Variants in NAPA observed in about 807,000 individuals in gnomAD.
NAPA encodes the protein alpha-soluble NSF attachment protein.
NAPA carries 18 observed loss-of-function variants against 48.0 expected under a neutral mutation model. The observed-to-expected ratio is 0.38, with a 90% confidence interval of 0.26 to 0.56. The LOEUF is 0.56. Among genes scored for constraint, NAPA ranks in the 20% least tolerant of loss-of-function variants. The probability of loss-of-function intolerance (pLI) is 0.77; values close to 1 mark genes in which losing one functional copy is unlikely to be tolerated. For synonymous variants in NAPA, 152 were observed against 149.9 expected, an observed-to-expected ratio of 1.01 and a Z score of -0.10; for missense variants, 315 against 385.0, an observed-to-expected ratio of 0.82 and a Z score of 1.52.
chr19:47,498,434 C>G (rs1325547564), intron 3 of NAPA, among the ~76,000 whole-genome samples: 1 of 152,208 alleles, frequency 6.6e-6, no homozygotes, highest in Non-Finnish European at 1.5e-5. Flanking sequence ...CTGGGCATGA[C>G]TGCATCATCT....
intron 3 of NAPA, 136 bp from the exon 4 acceptor site, chr19:47,495,732 C>A: frequency 1.3e-6 from 1 of 766,042 alleles, no homozygotes; most frequent in Non-Finnish European, 2.3e-6. Flanking sequence ...CCAGCGCTGC[C>A]ACACACTCTC....
chr19:47,493,003 C>T lies in NAPA; in HGVS notation c.519G>A (p.Ala173=), dbSNP rs771294197. Residue 173 remains alanine, a synonymous_variant, in exon 7 of 11, where the codon GCG becomes GCA. Coordinates refer to ENST00000263354, the MANE Select transcript of NAPA (RefSeq NM_003827.4). This position sits in a 1 kb window ranked among gnomAD's most constrained non-coding sequence, Gnocchi z 6.4. Reference sequence around the variant, plus strand: ...TGGCCTTCTGATACTGCTCCAGCAGCGCAGCGTAACCAGCCACCTTCAGCA... The same window carrying T: ...TGGCCTTCTGATACTGCTCCAGCAGTGCAGCGTAACCAGCCACCTTCAGCA... ...KCLLKVAGYA[A]LLEQYQKAID... The T allele has an allele frequency of 1.1e-5, 17 of 1,614,050 alleles. No homozygotes were observed. The highest frequency in any genetic ancestry group is 1.0e-4 in the Admixed American group (6 of 60,002).
At chr19:47,505,492 G>C (rs968873582) in intron 1 of NAPA, 1 of 152,352 alleles carries the variant, frequency 6.6e-6, no homozygotes, top group South Asian at 2.1e-4. Flanking sequence ...CATCAAACCA[G>C]AGTCCCACAG....
At chr19:47,507,289 C>A (rs1968711654) in intron 1 of NAPA, among the ~76,000 whole-genome samples, 1 of 152,232 alleles carries the variant, frequency 6.6e-6, no homozygotes. Flanking sequence ...ACACAGCCAC[C>A]AACCTCAGGG....
rs1968626329 is a variant in NAPA at position 47,503,451 on chromosome 19, G to A, written c.150C>T (p.Asn50=). The change falls in exon 2 of 11, where the codon AAC becomes AAT. Residue 50 remains asparagine, a synonymous_variant. Transcript: ENST00000263354. ...EACEIYARAA[N]MFKMAKNWSA... is the part of the protein sequence containing the mutation. ...TCCAGTTTTTGGCCATTTTGAACAT[G>A]TTTGCTGCTCTGGCGTAGATTTCGC... 6 of 1,614,230 alleles carry A rather than the reference G, an allele frequency of 3.7e-6. No individual in the cohort carries two copies. The South Asian group carries it at 4.4e-5, about 12-fold the overall frequency.
intron 7 of NAPA, chr19:47,492,497 C>T: frequency 2.6e-6 from 1 of 389,322 alleles, no homozygotes; most frequent in East Asian, 6.0e-5. Flanking sequence ...CCCCTCTCTC[C>T]CAGGGGGCCA....
At position 47,508,602 on chromosome 19, in the gene NAPA, G is replaced by A. The variant is rs1339575007; in HGVS notation, c.99-5100C>T. On this transcript the variant is annotated intron_variant, in intron 1 of 10. Coordinates refer to ENST00000263354, the MANE Select transcript of NAPA (RefSeq NM_003827.4). ...AAAGAGAATGACTTTGGGGTGGCGA[G>A]ACCTGGGCTGAAGTCCGTTTCAGGT... 2.6e-5 allele frequency among the ~76,000 whole-genome samples: 4 copies of A among 152,270 alleles called. No individual in the cohort carries two copies. In the East Asian group the frequency reaches 5.8e-4, roughly 22 times the overall value.
In NAPA at chr19:47,493,521, T is replaced by C; in HGVS notation, c.343-28A>G. ...GGAGGGGACACAGGAAGGGGCTGCC[T>C]GCGACTCATGACCTCCTGCGTGCCT... On this transcript the variant is annotated intron_variant, in intron 4 of 10. Coordinates refer to ENST00000263354, the MANE Select transcript of NAPA (RefSeq NM_003827.4). The surrounding 1 kb of genome is among the most constrained non-coding windows in gnomAD (Gnocchi z 6.4). The C allele has an allele frequency of 1.2e-6, 2 of 1,605,172 alleles. No individual in the cohort carries two copies. Among genetic ancestry groups the C allele is most frequent in the Non-Finnish European group, 1.7e-6 (2 of 1,172,774 alleles).
downstream of NAPA, among the ~76,000 whole-genome samples, chr19:47,485,356 C>T (rs1241968965): frequency 6.6e-6 from 1 of 152,218 alleles, no homozygotes; most frequent in Non-Finnish European, 1.5e-5. Context: ...GACTGATATG[C>T]TAGCAAGTGG....
intron 1 of NAPA, among the ~76,000 whole-genome samples, chr19:47,513,453 G>C (rs1283560006): frequency 6.6e-6 from 1 of 152,226 alleles, no homozygotes; most frequent in Non-Finnish European, 1.5e-5. Context: ...GGTTTGATTT[G>C]TGATCTCCTT....
Position 47,488,511 on chromosome 19 carries a change from T to C in NAPA, c.787-122A>G, listed in dbSNP as rs193229489. On this transcript the variant is annotated intron_variant, in intron 10 of 10. Coordinates refer to ENST00000263354, the MANE Select transcript of NAPA (RefSeq NM_003827.4). ...GTCACCCCTGGTCTCTGAGGAGGAG[T>C]AGAGGGAGGGCTTGAGGCCCCAACT... The C allele has an allele frequency of 6.7e-5, 47 of 701,586 alleles. No individual in the cohort carries two copies. In the Admixed American group the frequency reaches 8.6e-4, roughly 13 times the overall value. The allele number at this position is 701,586 out of a possible 1,614,324, so 43.5% of individuals were successfully genotyped here.
intron 3 of NAPA, chr19:47,496,307 AC>A (rs1293943475): frequency 6.5e-6 from 1 of 152,972 alleles, no homozygotes. Flanking sequence ...ACCTGAACAC[AC>A]CAGGATGGCA....
intron 1 of NAPA, 34 bp from the exon 2 acceptor site, chr19:47,503,536 C>G (rs1283186456): frequency 3.1e-6 from 5 of 1,594,098 alleles, no homozygotes; most frequent in Non-Finnish European, 4.3e-6. Flanking sequence ...AGGAGACAAT[C>G]TAGTCGGCTA....
chr19:47,493,447 A>G lies in NAPA; in HGVS notation c.389T>C (p.Ile130Thr), dbSNP rs1359335368. The change falls in exon 5 of 11, where the codon ATC (isoleucine) becomes ACC (threonine). Residue 130 changes from isoleucine to threonine, a missense_variant. By Grantham distance (89) the Ile-to-Thr change is moderately conservative. This residue lies in a region of NAPA where 173 missense variants were observed against 213.5 expected (regional missense o/e 0.81). Transcript: ENST00000263354. This position sits in a 1 kb window ranked among gnomAD's most constrained non-coding sequence, Gnocchi z 6.4. ...AAKHHISIAE[I>T]YETELVDIEK... The stretch of plus-strand genomic sequence containing the variant: ...GATGTCCACCAACTCTGTCTCATAG[A>G]TCTCAGCAATGGAGATGTGGTGCTT... 1.2e-6 allele frequency: 2 copies of G among 1,613,946 alleles called. No homozygotes were observed. Among genetic ancestry groups the G allele is most frequent in the Non-Finnish European group, 8.5e-7 (1 of 1,179,978 alleles).
chr19:47,491,813 G>A lies in NAPA; in HGVS notation c.666+202C>T, dbSNP rs143100879. Among the ~76,000 whole-genome samples, 25 of 152,312 alleles carry A rather than the reference G, an allele frequency of 1.6e-4. No individual in the cohort carries two copies. The East Asian group carries it at 4.8e-3, about 29-fold the overall frequency. On this transcript the variant is annotated intron_variant, in intron 8 of 10. Coordinates refer to ENST00000263354, the MANE Select transcript of NAPA (RefSeq NM_003827.4). ...ACTAAGTGAGGCAGGAGCTGGACCC[G>A]CAAAAGCCTCCAGGGCTGGGTGGGC...
chr19:47,488,611 T>G, intron 10 of NAPA: 5 of 347,562 alleles, frequency 1.4e-5, no homozygotes, highest in East Asian at 4.3e-5. Flanking sequence ...AAAGATATTG[T>G]AGCTTTAAAA....
intron 1 of NAPA, among the ~76,000 whole-genome samples, chr19:47,511,290 C>T (rs115010563): frequency 0.017 from 2,517 of 152,254 alleles, 56 homozygotes; most frequent in African/African-American, 0.057. Context: ...GATTCCCGCC[C>T]GCCAAGCAGG....
intron 8 of NAPA, 77 bp downstream of exon 8, chr19:47,491,937 CG>C: frequency 7.6e-7 from 1 of 1,321,120 alleles, no homozygotes; most frequent in Non-Finnish European, 1.1e-6. Context: ...CGTCCCTCTT[CG>C]GGGGCAACGG....
intron 7 of NAPA, chr19:47,492,718 G>A (rs1182239713): frequency 1.8e-5 from 12 of 660,556 alleles, no homozygotes; most frequent in Non-Finnish European, 3.1e-5. Context: ...GAAGCTCTGC[G>A]AGGGGTGTGG....
Sources: gnomAD v4.1 joint callset for allele counts (sites outside exome capture counted in the v4.1 genomes callset) on GRCh38, gnomAD v4.1.1 for gene constraint, gnomAD v4.1.1 regional missense constraint, Gnocchi (gnomAD v3.1) non-coding constraint, MANE v1.5 for transcripts, NCBI Gene and HGNC (gene_info 2026-07-23, HGNC 2026-07-21) for gene names.